The following OPCML variants were observed in gnomAD, a reference collection of about 807,000 sequenced individuals.
OPCML encodes the protein opioid binding protein/cell adhesion molecule like.
Under a neutral mutation model 37.8 loss-of-function variants are expected in OPCML, and 13 were observed. That is an observed-to-expected ratio of 0.34 (90% CI 0.22 to 0.55). The LOEUF (loss-of-function observed/expected upper bound fraction) is 0.55, where lower values mean the gene tolerates loss of function less well. Among genes scored for constraint, OPCML ranks in the 20% least tolerant of loss-of-function variants. The pLI, the probability that OPCML is intolerant of heterozygous loss-of-function variation, is 0.91. For missense variants in OPCML, 341 were observed against 435.6 expected (o/e 0.78, Z 1.93); for synonymous variants, 176 against 168.8 (o/e 1.04, Z -0.33).
intron 1 of OPCML, among the ~76,000 whole-genome samples, chr11:133,234,266 A>AAC (rs1565520550): frequency 2.6e-5 from 4 of 151,642 alleles, no homozygotes; most frequent in Admixed American, 1.3e-4. Context: ...ACAACAACAA[A>AAC]AAAAAAACAC....
chr11:133,204,309 G>A (rs902634367), intron 1 of OPCML, among the ~76,000 whole-genome samples: 8 of 152,104 alleles, frequency 5.3e-5, no homozygotes, highest in Admixed American at 1.3e-4. Flanking sequence ...TTTCTATTTC[G>A]TCATTCACAT....
At chr11:132,733,252 G>A (rs1168341909) in intron 2 of OPCML, among the ~76,000 whole-genome samples, 1 of 152,008 alleles carries the variant, frequency 6.6e-6, no homozygotes, top group African/African-American at 2.4e-5. Context: ...ATGACTCAGG[G>A]AAAGGAGAGA....
intron 1 of OPCML, among the ~76,000 whole-genome samples, chr11:133,267,512 C>A (rs1422612553): frequency 6.6e-6 from 1 of 152,146 alleles, no homozygotes; most frequent in Non-Finnish European, 1.5e-5. Flanking sequence ...TCATAACAGG[C>A]ACTCACTGAA....
At chr11:132,545,753 C>T (rs1181611540) in intron 3 of OPCML, among the ~76,000 whole-genome samples, 1 of 152,102 alleles carries the variant, frequency 6.6e-6, no homozygotes, top group Non-Finnish European at 1.5e-5. Flanking sequence ...TAAAGAAATA[C>T]ACCTTATACA....
intron 3 of OPCML, among the ~76,000 whole-genome samples, chr11:132,530,573 C>T (rs1161318878): frequency 1.3e-5 from 2 of 152,274 alleles, no homozygotes; most frequent in Admixed American, 1.3e-4. Flanking sequence ...GTTTGACAAA[C>T]AAACCCTTCT....
At chr11:133,050,773 G>A (rs1186651349) in intron 1 of OPCML, among the ~76,000 whole-genome samples, 3 of 150,392 alleles carry the variant, frequency 2.0e-5, no homozygotes, top group Non-Finnish European at 4.4e-5. Context: ...TAGATGGCCA[G>A]CTCAGGTAAG....
chr11:133,020,463 C>G (rs1277486151), intron 1 of OPCML, among the ~76,000 whole-genome samples: 1 of 152,192 alleles, frequency 6.6e-6, no homozygotes, highest in Non-Finnish European at 1.5e-5. Flanking sequence ...TATCCCAGTT[C>G]AGAAGCCTCC....
intron 1 of OPCML, among the ~76,000 whole-genome samples, chr11:133,156,498 A>G (rs74910853): frequency 0.019 from 2,910 of 152,282 alleles, 58 homozygotes; most frequent in African/African-American, 0.055. Context: ...CATTCCAGTC[A>G]TCTCTATTTG....
At chr11:133,108,802 G>A (rs920978001) in intron 1 of OPCML, among the ~76,000 whole-genome samples, 3 of 73,690 alleles carry the variant, frequency 4.1e-5, no homozygotes, top group Admixed American at 3.9e-4. Context: ...GCAAACTACA[G>A]GTGATAAAAA....
At position 132,630,526 on chromosome 11, in the gene OPCML, A is replaced by ATGTGTG. The variant is rs140438717; in HGVS notation, c.379+26555_379+26560dup. On this transcript the variant is annotated intron_variant, in intron 3 of 7. Coordinates refer to ENST00000524381, the MANE Select transcript of OPCML (RefSeq NM_001012393.5). ...ATAAGTTGAAAGAATAGGACACAAT[A>ATGTGTG]TGTGTGTGTGTGTGTGTGTGTGTGT... is the stretch of plus-strand genomic sequence containing the variant. Among the ~76,000 whole-genome samples, 13 of 148,980 alleles carry ATGTGTG rather than the reference A, an allele frequency of 8.7e-5. No homozygotes were observed. The South Asian group carries it at 1.1e-3, about 12-fold the overall frequency.
At position 132,714,193 on chromosome 11, in the gene OPCML, C is replaced by T. The variant is rs540587466; in HGVS notation, c.147-56874G>A. On this transcript the variant is annotated intron_variant, in intron 2 of 7. Transcript: ENST00000524381. ...TCTGCCTCTCTAGCTGGTACTGTCA[C>T]TGAAGACTCCTCTTTCTGCCTACTT... 2.0e-4 allele frequency among the ~76,000 whole-genome samples: 31 copies of T among 152,352 alleles called. No individual in the cohort carries two copies. The East Asian group carries it at 5.8e-3, about 28-fold the overall frequency.
intron 2 of OPCML, among the ~76,000 whole-genome samples, chr11:132,719,092 G>T (rs1475052947): frequency 6.6e-6 from 1 of 152,194 alleles, no homozygotes; most frequent in Non-Finnish European, 1.5e-5. Flanking sequence ...CAAGGAGAGG[G>T]CCCAGGAAGC....
At chr11:133,494,944 A>T (rs1444717376) in intron 1 of OPCML, among the ~76,000 whole-genome samples, 3 of 152,154 alleles carry the variant, frequency 2.0e-5, no homozygotes, top group African/African-American at 7.2e-5. Context: ...ATTGGGGTAC[A>T]GGTGGTATTT....
intron 1 of OPCML, among the ~76,000 whole-genome samples, chr11:133,287,761 G>A (rs192060105): frequency 1.3e-5 from 2 of 152,226 alleles, no homozygotes; most frequent in Non-Finnish European, 2.9e-5. Flanking sequence ...AGCAGTGTGA[G>A]ACTCAAGCAG....
chr11:133,020,650 A>G (rs1198030978), intron 1 of OPCML, among the ~76,000 whole-genome samples: 1 of 151,942 alleles, frequency 6.6e-6, no homozygotes, highest in African/African-American at 2.4e-5. Flanking sequence ...AAGAGGGGGG[A>G]TTTTCAAGAT....
At chr11:132,427,401 A>G (rs1592157533) in intron 7 of OPCML, among the ~76,000 whole-genome samples, 1 of 152,332 alleles carries the variant, frequency 6.6e-6, no homozygotes, top group Non-Finnish European at 1.5e-5. Context: ...ACATAAAGCT[A>G]TTTTTAGAGG....
intron 1 of OPCML, among the ~76,000 whole-genome samples, chr11:133,198,267 C>T (rs765025663): frequency 5.3e-5 from 8 of 152,180 alleles, no homozygotes; most frequent in Non-Finnish European, 7.3e-5. Context: ...CATAGCAAGA[C>T]GTGTGAAAAA....
intron 1 of OPCML, among the ~76,000 whole-genome samples, chr11:133,345,117 A>G (rs1056581286): frequency 6.6e-6 from 1 of 152,192 alleles, no homozygotes. Context: ...GGCCTAAAGT[A>G]ACACTCTCAT....
rs1947120822 is a variant in OPCML, at chr11:133,006,734, A to G, written c.62-63724T>C. ...TGTTCCAGCACCTTTCTGCACTGTG[A>G]GGTGTGAACACCTAGACATTGGCCT... On this transcript the variant is annotated intron_variant, in intron 1 of 7. Coordinates refer to ENST00000524381, the MANE Select transcript of OPCML (RefSeq NM_001012393.5). 3 of 985,306 alleles carry G rather than the reference A, an allele frequency of 3.0e-6. No homozygotes were observed. In the Admixed American group the frequency reaches 1.8e-4, roughly 61 times the overall value. The allele number at this position is 985,306 out of a possible 1,614,324, so 61.0% of individuals were successfully genotyped here. A position where few individuals can be genotyped will look rare whatever the true frequency, so the allele number is the denominator to read the frequency against.
Sources: gnomAD v4.1 joint callset for allele counts (sites outside exome capture counted in the v4.1 genomes callset) on GRCh38, gnomAD v4.1.1 for gene constraint, MANE v1.5 for transcripts, NCBI Gene and HGNC (gene_info 2026-07-23, HGNC 2026-07-21) for gene names.